The following MCM5 variants were observed in gnomAD, a reference collection of about 807,000 sequenced individuals.
MCM5 encodes minichromosome maintenance complex component 5.
MCM5 carries 46 observed loss-of-function variants against 79.9 expected under a neutral mutation model. The observed-to-expected ratio is 0.58, with a 90% CI of 0.45 to 0.74. MCM5 has a LOEUF of 0.74. Among genes scored for constraint, MCM5 ranks in the 30% least tolerant of loss-of-function variants. The pLI, the probability that MCM5 is intolerant of heterozygous loss-of-function variation, is 0.00. For synonymous variants in MCM5, 404 were observed against 390.5 expected (o/e 1.03, Z -0.41); for missense variants, 883 against 1,017.0 (o/e 0.87, Z 1.79).
At chr22:35,400,326 C>T (rs1371401519) in intron 1 of MCM5, 105 bp from the exon 2 acceptor site, 1 of 1,314,892 alleles carries the variant, frequency 7.6e-7, no homozygotes, top group South Asian at 1.2e-5. Flanking sequence ...GGAGCGCGGC[C>T]GGGGGTCCCC....
At chr22:35,402,807 G>C (rs1041142776) in intron 2 of MCM5, among the ~76,000 whole-genome samples, 1 of 152,212 alleles carries the variant, frequency 6.6e-6, no homozygotes, top group Non-Finnish European at 1.5e-5. Context: ...GCTTCCTAAA[G>C]TGTTGGGATT....
In MCM5 at chr22:35,420,847, A is replaced by T. The variant is rs148283130; in HGVS notation, c.1833-471A>T. Among the ~76,000 whole-genome samples, 311 of 152,304 alleles carry T rather than the reference A, an allele frequency of 2.0e-3. 2 individuals are homozygous for T. Among genetic ancestry groups the T allele is most frequent in the African/African-American group, 7.1e-3 (296 of 41,572 alleles). ...TGCCAGACTAAAAACTGGGGTTCCA[A>T]GCTAGGTGCAGTGGCCTACATTGTG... On this transcript the variant is annotated intron_variant, in intron 14 of 16. Coordinates refer to ENST00000216122, the MANE Select transcript of MCM5 (RefSeq NM_006739.4).
intron 12 of MCM5, 152 bp from the exon 13 acceptor site, chr22:35,417,592 G>A (rs1932579300): frequency 3.1e-6 from 2 of 648,174 alleles, no homozygotes; most frequent in Non-Finnish European, 5.6e-6. Flanking sequence ...CTGGTGCTGA[G>A]CAAACAGGCT....
chr22:35,415,613 C>G (rs1932517992), intron 9 of MCM5, among the ~76,000 whole-genome samples: 1 of 152,240 alleles, frequency 6.6e-6, no homozygotes, highest in African/African-American at 2.4e-5. Context: ...ATGTGATGCC[C>G]TCAGCGGGGA....
At chr22:35,440,097 C>G in the MCM5 span, among the ~76,000 whole-genome samples, 1 of 152,228 alleles carries the variant, frequency 6.6e-6, no homozygotes, top group Admixed American at 6.5e-5. Context: ...TTTTTACACA[C>G]TTGTAATCAA....
intron 9 of MCM5, among the ~76,000 whole-genome samples, chr22:35,415,313 T>G (rs151179743): frequency 1.5e-3 from 226 of 152,356 alleles, no homozygotes; most frequent in African/African-American, 5.4e-3. Context: ...TTGAGATACT[T>G]TACATTCTTA....
downstream of MCM5, among the ~76,000 whole-genome samples, chr22:35,430,372 A>G (rs1932804116): frequency 6.6e-6 from 1 of 152,226 alleles, no homozygotes; most frequent in African/African-American, 2.4e-5. Context: ...TTTGCCAGGA[A>G]GTGGGCACCT....
the MCM5 span, among the ~76,000 whole-genome samples, chr22:35,453,063 C>T: frequency 4.1e-4 from 63 of 152,262 alleles, no homozygotes; most frequent in East Asian, 9.1e-3. Flanking sequence ...GGGAGGGTGA[C>T]GGCCTCTTGC....
At chr22:35,435,392 G>A in the MCM5 span, among the ~76,000 whole-genome samples, 1 of 152,230 alleles carries the variant, frequency 6.6e-6, no homozygotes, top group Non-Finnish European at 1.5e-5. Context: ...GGGACAGCAT[G>A]TGCATGTGTG....
chr22:35,442,423 A>G, the MCM5 span, among the ~76,000 whole-genome samples: 2 of 152,042 alleles, frequency 1.3e-5, no homozygotes, highest in African/African-American at 4.8e-5. Context: ...TTATGTTTCT[A>G]TTCTCTTACG....
chr22:35,428,439 G>T (rs186842084), downstream of MCM5, among the ~76,000 whole-genome samples: 4 of 152,066 alleles, frequency 2.6e-5, no homozygotes, highest in Admixed American at 2.0e-4. Flanking sequence ...TAGATTACAG[G>T]TGTGAGCCAC....
intron 2 of MCM5, among the ~76,000 whole-genome samples, chr22:35,402,896 CG>C (rs1423947553): frequency 6.6e-6 from 1 of 152,140 alleles, no homozygotes; most frequent in Non-Finnish European, 1.5e-5. Context: ...AAAGGCTCTG[CG>C]GAGTCCTTCA....
the MCM5 span, among the ~76,000 whole-genome samples, chr22:35,439,643 G>A: frequency 4.6e-5 from 7 of 152,088 alleles, no homozygotes; most frequent in Non-Finnish European, 7.4e-5. Flanking sequence ...GCCTTTTAGG[G>A]AAGAACACTC....
the MCM5 span, among the ~76,000 whole-genome samples, chr22:35,440,388 G>A: frequency 8.5e-5 from 13 of 152,234 alleles, no homozygotes; most frequent in African/African-American, 3.1e-4. Flanking sequence ...TGAAATGGGA[G>A]CATTGAACTG....
intron 13 of MCM5, among the ~76,000 whole-genome samples, chr22:35,418,100 C>T (rs1260900904): frequency 2.0e-5 from 3 of 152,154 alleles, no homozygotes; most frequent in Non-Finnish European, 2.9e-5. Flanking sequence ...AAGACCTCCT[C>T]GAGTCTGACA....
At chr22:35,417,676 C>A in intron 12 of MCM5, 68 bp from the exon 13 acceptor site, 1 of 1,114,472 alleles carries the variant, frequency 9.0e-7, no homozygotes, top group Non-Finnish European at 1.4e-6. Flanking sequence ...CTGGCTGTTC[C>A]ACCTCAGTGC....
At chr22:35,411,308 T>C (rs1194490674) in intron 7 of MCM5, 2 of 166,170 alleles carry the variant, frequency 1.2e-5, no homozygotes, top group Admixed American at 1.2e-4. Flanking sequence ...AAGTGGTGGC[T>C]GTTGTGGGTC....
intron 8 of MCM5, 135 bp downstream of exon 8, chr22:35,412,816 C>A: frequency 1.3e-6 from 1 of 761,906 alleles, no homozygotes; most frequent in Non-Finnish European, 1.8e-6. Context: ...GCACCTTTGC[C>A]AGCCCCCAAG....
chr22:35,400,673 T>C (rs1313211644), intron 2 of MCM5, 68 bp downstream of exon 2: 1 of 1,479,886 alleles, frequency 6.8e-7, no homozygotes, highest in Non-Finnish European at 9.0e-7. Context: ...ACCAGCCTGC[T>C]AGAGTCCTGG....
Sources: allele counts gnomAD v4.1 joint callset (sites outside exome capture counted in the v4.1 genomes callset), GRCh38; gene constraint gnomAD v4.1.1; transcripts MANE v1.5; gene names NCBI Gene and HGNC (gene_info 2026-07-23, HGNC 2026-07-21).